The following UNC5B variants were observed in gnomAD, a reference collection of about 807,000 sequenced individuals.
UNC5B encodes netrin receptor UNC5B.
Under a neutral mutation model 103.7 loss-of-function variants are expected in UNC5B, and 56 were observed. The ratio of observed to expected loss-of-function variants is 0.54; its 90% CI spans 0.44 to 0.67. The LOEUF (loss-of-function observed/expected upper bound fraction) is 0.67, where lower values mean the gene tolerates loss of function less well. Ranked by LOEUF, UNC5B falls within the 30% of genes least tolerant of loss-of-function variation. UNC5B has a pLI of 0.00. For synonymous variants in UNC5B, 577 were observed against 542.0 expected, an observed-to-expected ratio of 1.06 and a Z score of -0.90; for missense variants, 1,194 against 1,284.5, an observed-to-expected ratio of 0.93 and a Z score of 1.08.
rs1445892693 is a variant in UNC5B at position 71,219,969 on chromosome 10, A to C, written c.79+6905A>C. Among the ~76,000 whole-genome samples the C allele has an allele frequency of 2.0e-5, 3 of 152,200 alleles. No individual in the cohort carries two copies. The East Asian group carries it at 5.8e-4, about 29-fold the overall frequency. Reference sequence around the variant, plus strand: ...GGGCTAGCTAGCTGGGTATGTGGGCAGGGGTGCCAGCCGACCTCTCCTTAC... The same window carrying C: ...GGGCTAGCTAGCTGGGTATGTGGGCCGGGGTGCCAGCCGACCTCTCCTTAC... On this transcript the variant is annotated intron_variant, in intron 1 of 16. Coordinates refer to ENST00000335350, the MANE Select transcript of UNC5B (RefSeq NM_170744.5).
rs1354437814 is a variant in UNC5B at position 71,224,415 on chromosome 10, A to ACACG, written c.79+11352_79+11353insACGC. Reference sequence around the variant, plus strand: ...CACACACACACACACACACACACACACGAAATGACAGCAGAAAAAGCCCCA... The same window carrying ACACG: ...CACACACACACACACACACACACACACACGCGAAATGACAGCAGAAAAAGCCCCA... On this transcript the variant is annotated intron_variant, in intron 1 of 16. Coordinates refer to ENST00000335350, the MANE Select transcript of UNC5B (RefSeq NM_170744.5). 2.0e-3 allele frequency among the ~76,000 whole-genome samples: 300 copies of ACACG among 149,540 alleles called. 2 individuals carry two copies. The highest frequency in any genetic ancestry group is 6.9e-3 in the African/African-American group (278 of 40,162).
rs150325088 is a variant in UNC5B at position 71,270,582 on chromosome 10, A to C, written c.80-9239A>C. 1.3e-3 allele frequency among the ~76,000 whole-genome samples: 200 copies of C among 152,106 alleles called. 1 individual carries two copies. The highest frequency in any genetic ancestry group is 4.7e-3 in the African/African-American group (193 of 41,498). On this transcript the variant is annotated intron_variant, in intron 1 of 16. Transcript: ENST00000335350. ...GAAAGGTAGGGAGCCCAGAGAGAGG[A>C]AGGGTCCAGGCGGGAAGACCTGGGC...
chr10:71,218,881 A>C (rs993931220), intron 1 of UNC5B, among the ~76,000 whole-genome samples: 2 of 152,224 alleles, frequency 1.3e-5, no homozygotes, highest in African/African-American at 4.8e-5. Context: ...ACCCCATCTC[A>C]GGCTGACGTG....
rs201598763 is a variant in UNC5B, at chr10:71,232,730, TA to T, written c.79+19667del. ...TGGTAGCTGTGATAAGGAAGGGGTT[TA>T]GGGGCCATGGATGGATGCCAGTCCC... On this transcript the variant is annotated intron_variant, in intron 1 of 16. Transcript: ENST00000335350. Among the ~76,000 whole-genome samples, 982 of 152,344 alleles carry T rather than the reference TA, an allele frequency of 6.4e-3. 9 individuals are homozygous for T. The highest frequency in any genetic ancestry group is 0.023 in the African/African-American group (938 of 41,584).
chr10:71,289,825 G>A (rs1040307695), intron 8 of UNC5B, among the ~76,000 whole-genome samples: 1 of 152,218 alleles, frequency 6.6e-6, no homozygotes, highest in Non-Finnish European at 1.5e-5. Flanking sequence ...GATACAGGGG[G>A]ACAGAAGTCG....
chr10:71,254,534 C>G (rs1001042663), intron 1 of UNC5B, among the ~76,000 whole-genome samples: 1 of 152,222 alleles, frequency 6.6e-6, no homozygotes, highest in Non-Finnish European at 1.5e-5. Context: ...CTTACTGTCT[C>G]CAGGCCCCCT....
Position 71,231,289 on chromosome 10 carries a change from T to G in UNC5B, c.79+18225T>G, listed in dbSNP as rs78796325. 8.6e-3 allele frequency among the ~76,000 whole-genome samples: 1,306 copies of G among 152,288 alleles called. 13 individuals are homozygous for G. The highest frequency in any genetic ancestry group is 0.03 in the African/African-American group (1,246 of 41,560). ...GGTGGGGGTTGGCGAGAGTATGGGC[T>G]CGGCCATTGCTAGAGTCGTCATTTC... is the stretch of plus-strand genomic sequence containing the variant. On this transcript the variant is annotated intron_variant, in intron 1 of 16. Coordinates refer to ENST00000335350, the MANE Select transcript of UNC5B (RefSeq NM_170744.5).
chr10:71,296,561 AC>A lies in UNC5B; in HGVS notation c.2326-12del. On this transcript the variant is annotated splice_polypyrimidine_tract_variant and intron_variant, in intron 14 of 16. Transcript: ENST00000335350. ...GGCTGGCCTTGCCTGCCTGGTCCTG[AC>A]CCCCTCCTCCTGCAGGAGATCCCCT... is the stretch of plus-strand genomic sequence containing the variant. The A allele has an allele frequency of 6.2e-7, 1 of 1,612,362 alleles. No homozygotes were observed. Among genetic ancestry groups the A allele is most frequent in the Non-Finnish European group, 8.5e-7 (1 of 1,179,616 alleles).
At chr10:71,279,391 C>T (rs1009694580) in intron 1 of UNC5B, among the ~76,000 whole-genome samples, 2 of 152,332 alleles carry the variant, frequency 1.3e-5, no homozygotes, top group South Asian at 2.1e-4. Context: ...CTGGTTTGAG[C>T]TCCAGCCCCG....
intron 3 of UNC5B, 102 bp from the exon 4 acceptor site, chr10:71,285,224 A>G (rs571437299): frequency 1.5e-4 from 189 of 1,229,716 alleles, no homozygotes; most frequent in Non-Finnish European, 1.9e-4. Flanking sequence ...GCCCATCAAC[A>G]GTACCCTGGG....
At chr10:71,287,066 C>G (rs1278567854) in intron 5 of UNC5B, among the ~76,000 whole-genome samples, 197 bp downstream of exon 5, 1 of 152,238 alleles carries the variant, frequency 6.6e-6, no homozygotes, top group African/African-American at 2.4e-5. Context: ...CTCCCCAGTT[C>G]TCAAGATGCC....
chr10:71,248,588 G>A (rs1207438852), intron 1 of UNC5B, among the ~76,000 whole-genome samples: 2 of 152,142 alleles, frequency 1.3e-5, no homozygotes, highest in Admixed American at 1.3e-4. Context: ...TAGGCAGAAT[G>A]GACACACGGT....
At chr10:71,298,201 C>A in intron 16 of UNC5B, 111 bp downstream of exon 16, 1 of 1,283,116 alleles carries the variant, frequency 7.8e-7, no homozygotes, top group Non-Finnish European at 1.1e-6. Flanking sequence ...GACCAGCTGC[C>A]CTTTTGCCAC....
chr10:71,214,860 T>C (rs967908097), intron 1 of UNC5B, among the ~76,000 whole-genome samples: 2 of 152,234 alleles, frequency 1.3e-5, no homozygotes, highest in South Asian at 4.2e-4. Flanking sequence ...AGGGCTTTGA[T>C]GGATTTGGGC....
At chr10:71,222,100 G>C (rs1198234702) in intron 1 of UNC5B, among the ~76,000 whole-genome samples, 1 of 152,190 alleles carries the variant, frequency 6.6e-6, no homozygotes, top group African/African-American at 2.4e-5. Context: ...TGGGCAGTCA[G>C]AAAAGGCTTC....
chr10:71,270,046 C>T (rs1280072419), intron 1 of UNC5B, among the ~76,000 whole-genome samples: 1 of 152,172 alleles, frequency 6.6e-6, no homozygotes, highest in Non-Finnish European at 1.5e-5. Context: ...GGGCTTGGAG[C>T]ACAGTGAAAG....
In UNC5B at chr10:71,284,707, C is replaced by T; in HGVS notation, c.305-13C>T. The T allele has an allele frequency of 3.1e-6, 5 of 1,613,134 alleles. No homozygotes were observed. The African/African-American group carries it at 5.3e-5, about 17-fold the overall frequency. ...TGCCCCTGCCCCCTGACGGCTCTCT[C>T]TTCTCCTCCCAGGCCTGCGGGTGCG... On this transcript the variant is annotated splice_polypyrimidine_tract_variant and intron_variant, in intron 2 of 16. Transcript: ENST00000335350.
At chr10:71,225,867 CA>C (rs1843552252) in intron 1 of UNC5B, among the ~76,000 whole-genome samples, 1 of 151,602 alleles carries the variant, frequency 6.6e-6, no homozygotes, top group Non-Finnish European at 1.5e-5. Flanking sequence ...GGACACCCTG[CA>C]GACACTACCT....
rs555645439 is a variant in UNC5B, at chr10:71,282,882, C to T, written c.305-1838C>T. On this transcript the variant is annotated intron_variant, in intron 2 of 16. Coordinates refer to ENST00000335350, the MANE Select transcript of UNC5B (RefSeq NM_170744.5). The stretch of plus-strand genomic sequence containing the variant: ...CTGTAATCCCAGCACTTTGGGAGGC[C>T]GAGGCGGGCAATTCACGAGGTCAGG... Among the ~76,000 whole-genome samples the T allele has an allele frequency of 2.0e-3, 304 of 151,818 alleles. 2 individuals carry two copies. The highest frequency in any genetic ancestry group is 6.9e-3 in the African/African-American group (285 of 41,374).
Sources: gnomAD v4.1 joint callset for allele counts (sites outside exome capture counted in the v4.1 genomes callset) on GRCh38, gnomAD v4.1.1 for gene constraint, MANE v1.5 for transcripts, NCBI Gene and HGNC (gene_info 2026-07-23, HGNC 2026-07-21) for gene names.